The following OSBPL6 variants were observed in gnomAD, a reference collection of about 807,000 sequenced individuals.
OSBPL6 encodes oxysterol binding protein like 6, also known as oxysterol-binding protein-related protein 6.
A neutral mutation model predicts 125.8 loss-of-function variants in OSBPL6; 49 were observed. The ratio of observed to expected loss-of-function variants is 0.39; its 90% CI spans 0.31 to 0.49. OSBPL6 has a LOEUF of 0.49. Ranked by LOEUF, OSBPL6 falls within the 20% of genes least tolerant of loss-of-function variation. OSBPL6 has a pLI of 0.88. For missense variants in OSBPL6, 986 were observed against 1,135.4 expected (o/e 0.87, Z 1.89); for synonymous variants, 394 against 391.8 (o/e 1.01, Z -0.07).
chr2:178,294,890 A>G (rs1685607062), intron 2 of OSBPL6, among the ~76,000 whole-genome samples: 1 of 141,386 alleles, frequency 7.1e-6, no homozygotes, highest in Admixed American at 7.2e-5. Flanking sequence ...TTTTGTGGTG[A>G]GAACATGTAA....
At chr2:178,196,458 G>A (rs2088893870) in intron 1 of OSBPL6, among the ~76,000 whole-genome samples, 1 of 152,132 alleles carries the variant, frequency 6.6e-6, no homozygotes, top group South Asian at 2.1e-4. Context: ...ACCTTTGGCG[G>A]TACCTCAGTT....
chr2:178,204,206 A>C (rs1282485092), intron 1 of OSBPL6, among the ~76,000 whole-genome samples: 1 of 151,884 alleles, frequency 6.6e-6, no homozygotes, highest in East Asian at 1.9e-4. Context: ...GCATTTTAGT[A>C]GAGAGGGTGG....
At chr2:178,316,482 T>C (rs1687746195) in intron 3 of OSBPL6, among the ~76,000 whole-genome samples, 4 of 152,164 alleles carry the variant, frequency 2.6e-5, no homozygotes, top group Admixed American at 2.6e-4. Flanking sequence ...CTGCTAAAAA[T>C]GCTTTTGAAT....
intron 11 of OSBPL6, among the ~76,000 whole-genome samples, 200 bp downstream of exon 11, chr2:178,339,964 G>T (rs1194951518): frequency 6.6e-6 from 1 of 152,078 alleles, no homozygotes; most frequent in Non-Finnish European, 1.5e-5. Context: ...GGATTTAAAA[G>T]AAAGGTTAAA....
chr2:178,297,528 T>G (rs1393682572), intron 2 of OSBPL6, among the ~76,000 whole-genome samples: 1 of 152,218 alleles, frequency 6.6e-6, no homozygotes, highest in Non-Finnish European at 1.5e-5. Context: ...TGATGGAAGA[T>G]TTAAGTCCTA....
intron 2 of OSBPL6, among the ~76,000 whole-genome samples, chr2:178,291,706 T>TTCC (rs1685284528): frequency 1.2e-4 from 7 of 58,288 alleles, no homozygotes; most frequent in South Asian, 6.6e-4. Flanking sequence ...TCCTTCCTTC[T>TTCC]TTCCTCCCTC....
At chr2:178,303,871 ATCT>A (rs1002383435) in intron 2 of OSBPL6, among the ~76,000 whole-genome samples, 6 of 151,944 alleles carry the variant, frequency 3.9e-5, no homozygotes, top group African/African-American at 1.2e-4. Context: ...GGCCCTCCTC[ATCT>A]TCTTTACTTC....
At chr2:178,246,974 A>G (rs7603411) in intron 1 of OSBPL6, among the ~76,000 whole-genome samples, 6,446 of 150,578 alleles carry the variant, frequency 0.043, 442 homozygotes, top group African/African-American at 0.15. Context: ...TCTGGTTCCA[A>G]CCTCCCTTGG....
chr2:178,239,596 A>T (rs759074193), intron 1 of OSBPL6, among the ~76,000 whole-genome samples: 486 of 29,612 alleles, frequency 0.016, 1 homozygote, highest in African/African-American at 0.063. Flanking sequence ...ACTTTATTTT[A>T]TTTATTTATT....
chr2:178,194,396 G>A (rs1458015789), upstream of OSBPL6: 1 of 152,004 alleles, frequency 6.6e-6, no homozygotes, highest in South Asian at 2.1e-4. Context: ...GCGGACGGGC[G>A]GGAGCCGGGG....
chr2:178,209,882 A>G (rs181435856), intron 1 of OSBPL6, among the ~76,000 whole-genome samples: 38 of 152,150 alleles, frequency 2.5e-4, no homozygotes, highest in African/African-American at 8.9e-4. Context: ...AAACTACTAA[A>G]TAACTTAAAA....
chr2:178,361,870 T>C (rs1191808422), intron 13 of OSBPL6, 55 bp downstream of exon 13: 1 of 1,597,570 alleles, frequency 6.3e-7, no homozygotes, highest in East Asian at 2.3e-5. Context: ...CCCTGTAAGA[T>C]GAAAGATCAA....
chr2:178,387,185 A>T, intron 20 of OSBPL6, 46 bp downstream of exon 20: 2 of 1,405,902 alleles, frequency 1.4e-6, no homozygotes, highest in South Asian at 2.4e-5. Flanking sequence ...TGCTTTTCTA[A>T]ATCATAAATG....
Position 178,383,042 on chromosome 2 carries a change from C to T in OSBPL6, c.1640C>T (p.Thr547Ile). The change falls in exon 17 of 25, where the codon ACA (threonine) becomes ATA (isoleucine). Residue 547 changes from threonine (T) to isoleucine (I), a missense_variant. By Grantham distance (89) the Thr-to-Ile change is moderately conservative. Around this residue, in one of 3 missense-constraint regions of OSBPL6, gnomAD observed 843 missense variants for 997.3 expected, o/e 0.85. Coordinates refer to ENST00000190611, the MANE Select transcript of OSBPL6 (RefSeq NM_032523.4). Reference protein sequence around the residue: ...ISRQILNGELTGGAFRNGRRA... With the variant: ...ISRQILNGELIGGAFRNGRRA... ...CTTCCAGTCCTGAATGGGGAGCTTA[C>T]AGGAGGGGCCTTCCGAAATGGGCGT... The T allele has an allele frequency of 1.2e-6, 2 of 1,614,154 alleles. No homozygotes were observed. The highest frequency in any genetic ancestry group is 1.7e-6 in the Non-Finnish European group (2 of 1,180,012).
intron 24 of OSBPL6, 57 bp downstream of exon 24, chr2:178,394,492 AT>A: frequency 6.5e-7 from 1 of 1,543,750 alleles, no homozygotes; most frequent in Non-Finnish European, 8.7e-7. Context: ...GCCACAGGCC[AT>A]GAGAAACTCC....
chr2:178,311,924 T>C (rs780410850), intron 3 of OSBPL6, among the ~76,000 whole-genome samples: 1 of 152,204 alleles, frequency 6.6e-6, no homozygotes, highest in Non-Finnish European at 1.5e-5. Context: ...GTTAAACATA[T>C]TGGTGGAGGT....
At chr2:178,359,030 G>C (rs1019607959) in intron 12 of OSBPL6, among the ~76,000 whole-genome samples, 1 of 152,040 alleles carries the variant, frequency 6.6e-6, no homozygotes, top group Non-Finnish European at 1.5e-5. Context: ...AAAAAAATTA[G>C]CCAGGCATGT....
At chr2:178,326,370 C>A (rs1202619264) in intron 4 of OSBPL6, among the ~76,000 whole-genome samples, 1 of 152,034 alleles carries the variant, frequency 6.6e-6, no homozygotes, top group Non-Finnish European at 1.5e-5. Context: ...ATTTTTAAAA[C>A]TTATAATACC....
chr2:178,195,208 T>G (rs1457231371), intron 1 of OSBPL6, among the ~76,000 whole-genome samples: 1 of 152,020 alleles, frequency 6.6e-6, no homozygotes, highest in East Asian at 1.9e-4. Flanking sequence ...CATTGGGTTT[T>G]ATTGTGCGCG....
Sources: allele counts gnomAD v4.1 joint callset (sites outside exome capture counted in the v4.1 genomes callset), GRCh38; gene constraint gnomAD v4.1.1; regional missense constraint gnomAD v4.1.1; transcripts MANE v1.5; gene names NCBI Gene and HGNC (gene_info 2026-07-23, HGNC 2026-07-21).